DGKB: variants seen among roughly 807,000 people sequenced by gnomAD.
DGKB encodes the protein diacylglycerol kinase beta.
Under a neutral mutation model 114.3 loss-of-function variants are expected in DGKB, and 67 were observed. The observed-to-expected ratio is 0.59, with a 90% CI of 0.48 to 0.72. The LOEUF is 0.72. Among genes scored for constraint, DGKB ranks in the 30% least tolerant of loss-of-function variants. The pLI, the probability that DGKB is intolerant of heterozygous loss-of-function variation, is 0.00. For missense variants in DGKB, 907 were observed against 975.2 expected (o/e 0.93, Z 0.93); for synonymous variants, 398 against 323.1 (o/e 1.23, Z -2.49).
chr7:14,404,230 G>T (rs978049581), intron 21 of DGKB, among the ~76,000 whole-genome samples: 2 of 151,150 alleles, frequency 1.3e-5, no homozygotes, highest in Non-Finnish European at 3.0e-5. Context: ...ATTTTGAGAT[G>T]AATCATACAT....
At chr7:14,536,499 C>T (rs557284096) in intron 20 of DGKB, among the ~76,000 whole-genome samples, 1 of 152,220 alleles carries the variant, frequency 6.6e-6, no homozygotes, top group Non-Finnish European at 1.5e-5. Flanking sequence ...GATGCAAGGA[C>T]AATTTAACAC....
At chr7:14,660,655 T>A (rs1816861243) in intron 13 of DGKB, among the ~76,000 whole-genome samples, 1 of 151,826 alleles carries the variant, frequency 6.6e-6, no homozygotes, top group Admixed American at 6.6e-5. Context: ...TTTGATGCCA[T>A]CCCCATCAAG....
intron 5 of DGKB, among the ~76,000 whole-genome samples, chr7:14,723,103 G>GA (rs200965727): frequency 4.3e-5 from 5 of 117,250 alleles, no homozygotes; most frequent in Admixed American, 2.0e-4. Flanking sequence ...TCACTACCCT[G>GA]AAAAAAGTCC....
intron 23 of DGKB, among the ~76,000 whole-genome samples, chr7:14,305,343 A>AT (rs1181164464): frequency 6.6e-6 from 1 of 151,926 alleles, no homozygotes; most frequent in Non-Finnish European, 1.5e-5. Flanking sequence ...CATGAGATCA[A>AT]TTTTTTTGCT....
chr7:14,650,213 A>G (rs1449242289), intron 13 of DGKB, among the ~76,000 whole-genome samples: 1 of 85,932 alleles, frequency 1.2e-5, no homozygotes, highest in Non-Finnish European at 2.2e-5. Flanking sequence ...GCACCACACC[A>G]CACCTATTCC....
intron 21 of DGKB, among the ~76,000 whole-genome samples, chr7:14,357,233 G>C (rs953085496): frequency 8.5e-5 from 13 of 152,156 alleles, no homozygotes; most frequent in African/African-American, 2.9e-4. Flanking sequence ...GGGAGTCTAA[G>C]TCCCTTTGTG....
chr7:14,185,740 AAAAC>A (rs1375353898), intron 23 of DGKB, among the ~76,000 whole-genome samples: 7 of 152,218 alleles, frequency 4.6e-5, no homozygotes, highest in Non-Finnish European at 1.0e-4. Flanking sequence ...GATCTTTGAC[AAAAC>A]AAACAAAAAC....
At chr7:14,672,192 T>C (rs1819078148) in intron 13 of DGKB, among the ~76,000 whole-genome samples, 1 of 152,118 alleles carries the variant, frequency 6.6e-6, no homozygotes, top group Admixed American at 6.6e-5. Context: ...TTTTATTATA[T>C]CAAATGGAAG....
At chr7:14,947,955 A>T (rs1469901344) in intron 1 of DGKB, among the ~76,000 whole-genome samples, 1 of 151,846 alleles carries the variant, frequency 6.6e-6, no homozygotes, top group East Asian at 1.9e-4. Flanking sequence ...CTCCCTTCAG[A>T]GAATGGATTT....
intron 23 of DGKB, among the ~76,000 whole-genome samples, chr7:14,274,382 A>C (rs1191160945): frequency 6.6e-6 from 1 of 152,064 alleles, no homozygotes; most frequent in African/African-American, 2.4e-5. Flanking sequence ...AGACCTCCTC[A>C]AGTCACTTTC....
chr7:14,390,740 T>C (rs1406516333), intron 21 of DGKB, among the ~76,000 whole-genome samples: 1 of 152,168 alleles, frequency 6.6e-6, no homozygotes, highest in Non-Finnish European at 1.5e-5. Flanking sequence ...TGGCATGTAT[T>C]TCATTTAGAG....
chr7:14,620,315 C>A (rs1272384562), intron 15 of DGKB, among the ~76,000 whole-genome samples: 2 of 150,708 alleles, frequency 1.3e-5, no homozygotes, highest in African/African-American at 2.4e-5. Context: ...AGATAAAAAA[C>A]AAACAGTAAC....
chr7:14,857,236 C>A (rs1188091754), intron 1 of DGKB, among the ~76,000 whole-genome samples: 1 of 76,418 alleles, frequency 1.3e-5, no homozygotes, highest in African/African-American at 7.4e-5. Flanking sequence ...CTCTCTTCCA[C>A]CCAACCCCCT....
At chr7:14,887,463 C>T (rs969669427) in intron 1 of DGKB, among the ~76,000 whole-genome samples, 3 of 151,774 alleles carry the variant, frequency 2.0e-5, no homozygotes, top group African/African-American at 7.3e-5. Flanking sequence ...ACCTTCTTCT[C>T]TGTGTACACT....
chr7:14,833,690 T>C (rs956149837), intron 2 of DGKB, among the ~76,000 whole-genome samples: 3 of 152,150 alleles, frequency 2.0e-5, no homozygotes, highest in African/African-American at 7.2e-5. Flanking sequence ...TGTACACACA[T>C]GCATGACATG....
intron 19 of DGKB, among the ~76,000 whole-genome samples, chr7:14,578,500 C>G (rs2128719236): frequency 6.6e-6 from 1 of 152,310 alleles, no homozygotes; most frequent in South Asian, 2.1e-4. Context: ...TAATCTCTAG[C>G]AAATGGCTTC....
chr7:14,628,420 C>T (rs1428968973), intron 14 of DGKB, among the ~76,000 whole-genome samples: 1 of 151,718 alleles, frequency 6.6e-6, no homozygotes, highest in Non-Finnish European at 1.5e-5. Context: ...ACTCAGATTT[C>T]TTCACAGATG....
At chr7:14,682,918 A>G in intron 10 of DGKB, 77 bp from the exon 11 acceptor site, 1 of 987,616 alleles carries the variant, frequency 1.0e-6, no homozygotes, top group Non-Finnish European at 1.6e-6. Context: ...AATGACATTA[A>G]CAGAACCTCA....
At chr7:14,698,323 T>C (rs1824454245) in intron 7 of DGKB, among the ~76,000 whole-genome samples, 154 bp from the exon 8 acceptor site, 1 of 152,190 alleles carries the variant, frequency 6.6e-6, no homozygotes, top group Admixed American at 6.5e-5. Flanking sequence ...TTTAAAGGTC[T>C]AATTAACTAT....
Sources: gnomAD v4.1 joint callset for allele counts (sites outside exome capture counted in the v4.1 genomes callset) on GRCh38, gnomAD v4.1.1 for gene constraint, MANE v1.5 for transcripts, NCBI Gene and HGNC (gene_info 2026-07-23, HGNC 2026-07-21) for gene names.